Variants in DLG2 observed in about 807,000 individuals in gnomAD.
The protein encoded by DLG2 is disks large homolog 2.
Under a neutral mutation model 132.5 loss-of-function variants are expected in DLG2, and 45 were observed. The observed-to-expected ratio is 0.34, with a 90% confidence interval of 0.27 to 0.44. DLG2 has a LOEUF of 0.44. Ranked by LOEUF, DLG2 falls within the 20% of genes least tolerant of loss-of-function variation. The pLI is 1.00. For missense variants in DLG2, 1,045 were observed against 1,196.9 expected (o/e 0.87, Z 1.87); for synonymous variants, 424 against 419.6 (o/e 1.01, Z -0.13).
chr11:84,366,710 AAAG>A (rs2098685147), intron 7 of DLG2, among the ~76,000 whole-genome samples: 1 of 152,162 alleles, frequency 6.6e-6, no homozygotes, highest in Admixed American at 6.6e-5. Flanking sequence ...CAAAAGAGAT[AAAG>A]AAGGCCATTA....
intron 7 of DLG2, among the ~76,000 whole-genome samples, chr11:84,286,725 G>T (rs138739043): frequency 6.6e-6 from 1 of 152,164 alleles, no homozygotes; most frequent in African/African-American, 2.4e-5. Flanking sequence ...GTCAACAAGT[G>T]TCTGAGTGAG....
At chr11:83,467,810 T>TATACACAC (rs1414160515) in intron 25 of DLG2, among the ~76,000 whole-genome samples, 40 of 96,278 alleles carry the variant, frequency 4.2e-4, no homozygotes, top group Middle Eastern at 7.1e-3. Context: ...TATATATATA[T>TATACACAC]ACACACACAC....
intron 21 of DLG2, among the ~76,000 whole-genome samples, chr11:83,528,233 T>C (rs1162312200): frequency 6.6e-6 from 1 of 152,232 alleles, no homozygotes; most frequent in Non-Finnish European, 1.5e-5. Context: ...ACAGAGTGGA[T>C]AGAAATCCTG....
chr11:83,988,615 G>T (rs1193745454), intron 11 of DLG2, among the ~76,000 whole-genome samples: 2 of 152,082 alleles, frequency 1.3e-5, no homozygotes, highest in Non-Finnish European at 2.9e-5. Context: ...TCTTGAAGAG[G>T]TCCTTCACTT....
At chr11:84,218,305 A>AAC (rs1566963222) in intron 8 of DLG2, among the ~76,000 whole-genome samples, 1 of 143,330 alleles carries the variant, frequency 7.0e-6, no homozygotes, top group Non-Finnish European at 1.5e-5. Context: ...AAGAGAAAGA[A>AAC]AGAGAGAGAG....
chr11:83,699,881 C>CTATGTATGTATG, intron 18 of DLG2, among the ~76,000 whole-genome samples: 1 of 147,702 alleles, frequency 6.8e-6, no homozygotes, highest in African/African-American at 2.5e-5. Flanking sequence ...GTCTGTCTTT[C>CTATGTATGTATG]TATGTATGTA....
chr11:84,722,607 A>T (rs1463482080), intron 6 of DLG2, among the ~76,000 whole-genome samples: 1 of 152,222 alleles, frequency 6.6e-6, no homozygotes, highest in Non-Finnish European at 1.5e-5. Flanking sequence ...TTCATCCCAT[A>T]GGCCAGTAGA....
At chr11:85,079,025 G>A (rs547293613) in intron 6 of DLG2, among the ~76,000 whole-genome samples, 8 of 150,358 alleles carry the variant, frequency 5.3e-5, no homozygotes, top group African/African-American at 1.2e-4. Context: ...GTGTTTTAGG[G>A]GGGGGGTCTG....
chr11:84,818,035 G>A (rs1195986790), intron 6 of DLG2, among the ~76,000 whole-genome samples: 1 of 151,842 alleles, frequency 6.6e-6, no homozygotes, highest in East Asian at 1.9e-4. Context: ...ATGAATATAT[G>A]AAAAAATAAA....
At chr11:83,889,492 C>T (rs1201869757) in intron 15 of DLG2, among the ~76,000 whole-genome samples, 1 of 152,164 alleles carries the variant, frequency 6.6e-6, no homozygotes, top group African/African-American at 2.4e-5. Flanking sequence ...AATAGGAACA[C>T]TTTTACACTG....
intron 6 of DLG2, among the ~76,000 whole-genome samples, chr11:84,925,041 G>T (rs191452308): frequency 6.6e-6 from 1 of 152,092 alleles, no homozygotes; most frequent in Non-Finnish European, 1.5e-5. Context: ...AAACATAGAA[G>T]AACTTAAAAA....
chr11:84,385,915 C>T (rs1344636128), intron 7 of DLG2, among the ~76,000 whole-genome samples: 2 of 152,090 alleles, frequency 1.3e-5, no homozygotes, highest in Non-Finnish European at 2.9e-5. Flanking sequence ...TTTGTTACTA[C>T]TGAATAACAT....
intron 19 of DLG2, among the ~76,000 whole-genome samples, chr11:83,561,253 G>C (rs1242077392): frequency 6.6e-6 from 1 of 152,174 alleles, no homozygotes; most frequent in Non-Finnish European, 1.5e-5. Flanking sequence ...TGGGGACATA[G>C]AGCCAAACCA....
intron 6 of DLG2, among the ~76,000 whole-genome samples, chr11:84,632,261 T>C (rs1379666954): frequency 6.7e-6 from 1 of 148,972 alleles, no homozygotes; most frequent in South Asian, 2.1e-4. Context: ...CAGTCTTGCT[T>C]TTTTTTTTTC....
chr11:83,906,053 G>GTCTCTC (rs57799505), intron 15 of DLG2, among the ~76,000 whole-genome samples: 23 of 128,812 alleles, frequency 1.8e-4, no homozygotes, highest in African/African-American at 3.2e-4. Context: ...CTGTCTGTCT[G>GTCTCTC]TCTCTCTCTC....
At chr11:85,063,103 C>A (rs1450410154) in intron 6 of DLG2, among the ~76,000 whole-genome samples, 1 of 151,858 alleles carries the variant, frequency 6.6e-6, no homozygotes, top group Non-Finnish European at 1.5e-5. Flanking sequence ...AGATTCCCCG[C>A]TTCAGGGTCA....
At chr11:84,545,074 C>A (rs1016047062) in intron 6 of DLG2, 14 of 453,506 alleles carry the variant, frequency 3.1e-5, no homozygotes, top group East Asian at 6.9e-5. Context: ...TCTGTTGTAA[C>A]CTGTAGCTTC....
At chr11:85,417,590 G>A (rs2089972340) in intron 3 of DLG2, among the ~76,000 whole-genome samples, 1 of 152,010 alleles carries the variant, frequency 6.6e-6, no homozygotes, top group Non-Finnish European at 1.5e-5. Context: ...TTTTTTGGTT[G>A]GTAGGCTATT....
intron 18 of DLG2, among the ~76,000 whole-genome samples, chr11:83,750,612 G>T (rs533666391): frequency 6.6e-6 from 1 of 152,006 alleles, no homozygotes. Flanking sequence ...TTGAACAAAT[G>T]GTTCCATGAC....
Sources: gnomAD v4.1 joint callset for allele counts (sites outside exome capture counted in the v4.1 genomes callset) on GRCh38, gnomAD v4.1.1 for gene constraint, MANE v1.5 for transcripts, NCBI Gene and HGNC (gene_info 2026-07-23, HGNC 2026-07-21) for gene names.